The following PGR variants were observed in gnomAD, a reference collection of about 807,000 sequenced individuals.
The protein encoded by PGR is nuclear receptor subfamily 3 group C member 3.
Under a neutral mutation model 76.1 loss-of-function variants are expected in PGR, and 25 were observed. The ratio of observed to expected loss-of-function variants is 0.33; its 90% confidence interval spans 0.24 to 0.46. The LOEUF is 0.46. PGR is among the 20% of genes least tolerant of loss of function. The pLI, the probability that PGR is intolerant of heterozygous loss-of-function variation, is 1.00. For missense variants in PGR, 1,172 were observed against 1,225.3 expected, an observed-to-expected ratio of 0.96 and a Z score of 0.65; for synonymous variants, 579 against 535.0, an observed-to-expected ratio of 1.08 and a Z score of -1.14.
At position 101,128,596 on chromosome 11, in the gene PGR, G is replaced by A. The variant is rs1230199760; in HGVS notation, c.475C>T (p.Arg159Trp). The A allele has an allele frequency of 1.9e-6, 3 of 1,592,858 alleles. No individual in the cohort carries two copies. The highest frequency in any genetic ancestry group is 8.5e-7 in the Non-Finnish European group (1 of 1,172,208). Residue 159 changes from arginine to tryptophan, a missense_variant, in exon 1 of 8, where the codon CGG becomes TGG. Transcript: ENST00000325455. Reference protein sequence around the residue: ...EDPPAAPATQRVLSPLMSRSG... With the variant: ...EDPPAAPATQWVLSPLMSRSG... ...CGGCTCATGAGCGGGGACAACACCC[G>A]CTGGGTGGCGGGGGCAGCCGGTGGA... is the stretch of plus-strand genomic sequence containing the variant.
In PGR at chr11:101,129,151, G is replaced by A; in HGVS notation, c.-81C>T. On this transcript the variant is annotated 5_prime_UTR_variant, in exon 1 of 8. Transcript: ENST00000325455. Reference sequence around the variant, plus strand: ...GGAGGAGGGGGTTTCGGGAATATAGGGGCAGAGGGAGGAGAAAGTGGGTGT... The same window carrying A: ...GGAGGAGGGGGTTTCGGGAATATAGAGGCAGAGGGAGGAGAAAGTGGGTGT... 3 of 1,251,098 alleles carry A rather than the reference G, an allele frequency of 2.4e-6. No homozygotes were observed. Among genetic ancestry groups the A allele is most frequent in the Non-Finnish European group, 3.2e-6 (3 of 939,746 alleles). The allele number at this position is 1,251,098 out of a possible 1,614,324, so 77.5% of individuals were successfully genotyped here.
chr11:101,104,417 A>T (rs1373308352), intron 2 of PGR, among the ~76,000 whole-genome samples: 2 of 152,244 alleles, frequency 1.3e-5, no homozygotes, highest in Non-Finnish European at 2.9e-5. Context: ...TAATATAGAG[A>T]TAAACATTTT....
intron 6 of PGR, 21 bp downstream of exon 6, chr11:101,049,908 A>G: frequency 6.3e-7 from 1 of 1,597,168 alleles, no homozygotes; most frequent in Non-Finnish European, 8.6e-7. Flanking sequence ...ATCTTGCATT[A>G]AGTTACTTGA....
intron 4 of PGR, among the ~76,000 whole-genome samples, chr11:101,052,569 T>A (rs569857): frequency 0.075 from 11,411 of 152,042 alleles, 468 homozygotes; most frequent in East Asian, 0.19. Context: ...GCAAGTCTAT[T>A]AAGGAGCAAT....
At chr11:101,059,920 T>C (rs1860432996) in intron 4 of PGR, among the ~76,000 whole-genome samples, 2 of 148,710 alleles carry the variant, frequency 1.3e-5, no homozygotes, top group Non-Finnish European at 3.0e-5. Flanking sequence ...AAATATAAAC[T>C]ACCATTATTA....
In PGR at chr11:101,127,646, G is replaced by A. The variant is rs1175212985; in HGVS notation, c.1425C>T (p.Phe475=). Residue 475 remains phenylalanine (F), a synonymous_variant, in exon 1 of 8, where the codon TTC becomes TTT. Transcript: ENST00000325455. The part of the protein sequence containing the change: ...AEGAPPQQGP[F]APPPCKAPGA... Reference sequence around the variant, plus strand: ...CCGGCGCCTTGCAGGGCGGCGGCGCGAACGGGCCCTGCTGGGGCGGCGCGC... The same window carrying A: ...CCGGCGCCTTGCAGGGCGGCGGCGCAAACGGGCCCTGCTGGGGCGGCGCGC... 1 of 1,421,698 alleles carries A rather than the reference G, an allele frequency of 7.0e-7. No homozygotes were observed. The highest frequency in any genetic ancestry group is 1.5e-5 in the South Asian group (1 of 65,024). The allele number at this position is 1,421,698 out of a possible 1,614,324, so 88.1% of individuals were successfully genotyped here.
At chr11:101,115,737 T>G (rs1386230972) in intron 2 of PGR, among the ~76,000 whole-genome samples, 4 of 151,552 alleles carry the variant, frequency 2.6e-5, no homozygotes, top group Non-Finnish European at 5.9e-5. Context: ...CCACTGCACT[T>G]CAGCCTGGGC....
At chr11:101,069,147 A>G (rs957058562) in intron 3 of PGR, among the ~76,000 whole-genome samples, 2 of 152,166 alleles carry the variant, frequency 1.3e-5, no homozygotes, top group Non-Finnish European at 2.9e-5. Context: ...TCCAGAGTCT[A>G]CAGGGAACTT....
chr11:101,087,122 CT>C (rs1861524999), intron 3 of PGR, among the ~76,000 whole-genome samples: 1 of 152,154 alleles, frequency 6.6e-6, no homozygotes, highest in Non-Finnish European at 1.5e-5. Context: ...GCCCAAATAA[CT>C]ACAGCAGTCC....
intron 3 of PGR, among the ~76,000 whole-genome samples, chr11:101,064,326 C>T (rs1272348834): frequency 1.6e-5 from 1 of 62,018 alleles, no homozygotes; most frequent in African/African-American, 6.8e-5. Flanking sequence ...GGAGAAACTC[C>T]ACCTCAAAAA....
chr11:101,115,506 T>C (rs1862472794), intron 2 of PGR, among the ~76,000 whole-genome samples: 1 of 152,172 alleles, frequency 6.6e-6, no homozygotes, highest in Non-Finnish European at 1.5e-5. Flanking sequence ...GCGCTGTTGC[T>C]CACGCCTGTA....
rs1859477187 is a variant in PGR, at chr11:101,035,426, A to C, written c.*3690T>G. ...TAATAGCCATCCTTCCAAAGCAATA[A>C]AAGACAGATTAAAGCAGACATAGAT... On this transcript the variant is annotated 3_prime_UTR_variant, in exon 8 of 8. Transcript: ENST00000325455. 1 of 231,502 alleles carries C rather than the reference A, an allele frequency of 4.3e-6. No homozygotes were observed. The highest frequency in any genetic ancestry group is 2.2e-5 in the African/African-American group (1 of 45,250). The allele number at this position is 231,502 out of a possible 1,614,324, so 14.3% of individuals were successfully genotyped here. A position where few individuals can be genotyped will look rare whatever the true frequency, so the allele number is the denominator to read the frequency against.
intron 2 of PGR, among the ~76,000 whole-genome samples, chr11:101,123,784 T>C (rs1317776166): frequency 6.6e-6 from 1 of 152,222 alleles, no homozygotes; most frequent in Admixed American, 6.5e-5. Flanking sequence ...ACAGATCTCA[T>C]ATACATTACA....
At chr11:101,081,599 C>T (rs1861310502) in intron 3 of PGR, among the ~76,000 whole-genome samples, 1 of 152,096 alleles carries the variant, frequency 6.6e-6, no homozygotes, top group South Asian at 2.1e-4. Flanking sequence ...AGATTGGGGG[C>T]CTGTTTTCAG....
chr11:101,117,973 C>T (rs1478726275), intron 2 of PGR, among the ~76,000 whole-genome samples: 1 of 152,152 alleles, frequency 6.6e-6, no homozygotes, highest in African/African-American at 2.4e-5. Context: ...TCAGTAATGA[C>T]AACTCTTGGT....
At position 101,031,680 on chromosome 11, in the gene PGR, T is replaced by C. The variant is rs1424907792; in HGVS notation, c.*7436A>G. ...TTTGATCATGACATCATTATTTGTA[T>C]ACAATGCAGCAAGAATTTTGTTTTT... On this transcript the variant is annotated 3_prime_UTR_variant, in exon 8 of 8. Transcript: ENST00000325455. 4.5e-6 allele frequency: 1 copy of C among 220,954 alleles called. No individual in the cohort carries two copies. Among genetic ancestry groups the C allele is most frequent in the Non-Finnish European group, 9.1e-6 (1 of 110,444 alleles). 13.7% of individuals were successfully genotyped at this position (220,954 alleles called of 1,614,324 possible).
chr11:101,059,258 C>T (rs1011926077), intron 4 of PGR, among the ~76,000 whole-genome samples: 1 of 151,960 alleles, frequency 6.6e-6, no homozygotes, highest in African/African-American at 2.4e-5. Flanking sequence ...GTTCTTCTGT[C>T]CCCACTTTCA....
At chr11:101,105,497 T>A in intron 2 of PGR, among the ~76,000 whole-genome samples, 1 of 43,180 alleles carries the variant, frequency 2.3e-5, no homozygotes, top group African/African-American at 7.5e-5. Flanking sequence ...GCATATTCCT[T>A]TTTTTTTTTT....
At chr11:101,112,001 T>G (rs1022012743) in intron 2 of PGR, among the ~76,000 whole-genome samples, 2 of 152,070 alleles carry the variant, frequency 1.3e-5, no homozygotes, top group African/African-American at 4.8e-5. Flanking sequence ...GGTCGTGTCT[T>G]GAAAACCAAG....
Sources: allele counts gnomAD v4.1 joint callset (sites outside exome capture counted in the v4.1 genomes callset), GRCh38; gene constraint gnomAD v4.1.1; transcripts MANE v1.5; gene names NCBI Gene and HGNC (gene_info 2026-07-23, HGNC 2026-07-21).